CNIH3: variants seen among roughly 807,000 people sequenced by gnomAD.
The protein encoded by CNIH3 is protein cornichon homolog 3.
In CNIH3, 14 loss-of-function variants were observed where a neutral mutation model predicts 24.1. That is an observed-to-expected ratio of 0.58 (90% CI 0.38 to 0.91). The LOEUF (loss-of-function observed/expected upper bound fraction) is 0.91, where lower values mean the gene tolerates loss of function less well. CNIH3 is among the 40% of genes least tolerant of loss of function. CNIH3 has a pLI of 0.00. For missense variants in CNIH3, 178 were observed against 196.8 expected, an observed-to-expected ratio of 0.90 and a Z score of 0.57; for synonymous variants, 68 against 73.8, an observed-to-expected ratio of 0.92 and a Z score of 0.40.
intron 1 of CNIH3, among the ~76,000 whole-genome samples, chr1:224,466,097 A>G (rs1676143404): frequency 6.6e-6 from 1 of 152,214 alleles, no homozygotes; most frequent in African/African-American, 2.4e-5. Context: ...GGGTTTAGTC[A>G]GATTTTACCA....
intron 2 of CNIH3, among the ~76,000 whole-genome samples, chr1:224,526,724 C>T (rs2124924073): frequency 6.6e-6 from 1 of 152,248 alleles, no homozygotes; most frequent in African/African-American, 2.4e-5. Flanking sequence ...CAAAGAAACA[C>T]CTGAGACTGG....
intron 1 of CNIH3, among the ~76,000 whole-genome samples, chr1:224,466,374 T>TA (rs565781593): frequency 5.5e-4 from 84 of 152,350 alleles, no homozygotes; most frequent in African/African-American, 1.9e-3. Context: ...TGTAGCTTTT[T>TA]AAAAAAATCA....
chr1:224,693,541 C>T (rs1439117053), intron 3 of CNIH3, among the ~76,000 whole-genome samples: 7 of 151,102 alleles, frequency 4.6e-5, no homozygotes, highest in Non-Finnish European at 1.5e-5. Context: ...AGGCCATTAG[C>T]TCATCTCAGT....
At chr1:224,510,554 G>A (rs559711412) in intron 1 of CNIH3, among the ~76,000 whole-genome samples, 1 of 146,094 alleles carries the variant, frequency 6.8e-6, no homozygotes, top group Admixed American at 6.9e-5. Context: ...CCATGATCAT[G>A]CCACTGCACT....
At chr1:224,635,899 TG>T (rs903041354) in intron 1 of CNIH3, among the ~76,000 whole-genome samples, 2 of 151,920 alleles carry the variant, frequency 1.3e-5, no homozygotes, top group African/African-American at 4.8e-5. Flanking sequence ...TTTCTAGAAA[TG>T]GGGGGGTCTC....
Position 224,739,501 on chromosome 1 carries a change from G to A in CNIH3, c.*145G>A, listed in dbSNP as rs111736471. ...AGGCAGTCAGACTGAATGGGAGCTGGAATCACGCAGCAGCTGGGAGCCGAG... is the reference window on the plus strand; with the variant it reads ...AGGCAGTCAGACTGAATGGGAGCTGAAATCACGCAGCAGCTGGGAGCCGAG... On this transcript the variant is annotated 3_prime_UTR_variant, in exon 6 of 6. Coordinates refer to ENST00000272133, the MANE Select transcript of CNIH3 (RefSeq NM_152495.2). The A allele has an allele frequency of 7.6e-4, 1,114 of 1,460,218 alleles. 8 individuals are homozygous for A. The African/African-American group carries it at 0.014, about 19-fold the overall frequency. 90.5% of individuals were successfully genotyped at this position (1,460,218 alleles called of 1,614,324 possible).
At chr1:224,498,805 C>T (rs1349227058) in intron 1 of CNIH3, among the ~76,000 whole-genome samples, 1 of 152,218 alleles carries the variant, frequency 6.6e-6, no homozygotes, top group Non-Finnish European at 1.5e-5. Context: ...GCGTCATCAG[C>T]CCAGTGCTGC....
At chr1:224,479,680 AG>A (rs1231012103) in intron 1 of CNIH3, among the ~76,000 whole-genome samples, 2 of 152,252 alleles carry the variant, frequency 1.3e-5, no homozygotes, top group African/African-American at 2.4e-5. Flanking sequence ...GAAATCCAGC[AG>A]GGCAGTCAAA....
chr1:224,716,024 T>TC (rs1688411142), intron 3 of CNIH3, among the ~76,000 whole-genome samples: 1 of 152,202 alleles, frequency 6.6e-6, no homozygotes, highest in African/African-American at 2.4e-5. Flanking sequence ...ACACTAATGT[T>TC]CAAGATTTCT....
chr1:224,574,366 T>C, intron 4 of CNIH3: 1 of 410,248 alleles, frequency 2.4e-6, no homozygotes. Flanking sequence ...TATTTTAATA[T>C]TATTAAGTTG....
chr1:224,708,780 C>T (rs75671184), intron 3 of CNIH3, among the ~76,000 whole-genome samples: 224 of 152,262 alleles, frequency 1.5e-3, no homozygotes, highest in Non-Finnish European at 2.1e-3. Context: ...TTTCTCACAC[C>T]CCAAATACAG....
At chr1:224,690,909 G>A (rs777305048) in intron 3 of CNIH3, among the ~76,000 whole-genome samples, 1 of 152,072 alleles carries the variant, frequency 6.6e-6, no homozygotes, top group African/African-American at 2.4e-5. Flanking sequence ...CACCTGTGTC[G>A]GTTTCTTGTT....
chr1:224,560,073 G>A (rs970038997), intron 3 of CNIH3, among the ~76,000 whole-genome samples: 4 of 152,110 alleles, frequency 2.6e-5, no homozygotes, highest in Non-Finnish European at 4.4e-5. Context: ...TAGTTTTGAT[G>A]CATTACTTTT....
intron 1 of CNIH3, among the ~76,000 whole-genome samples, chr1:224,474,824 G>A (rs1171094319): frequency 6.6e-6 from 1 of 151,118 alleles, no homozygotes; most frequent in African/African-American, 2.4e-5. Context: ...TCAGGAGATC[G>A]AGACCATCCT....
intron 3 of CNIH3, among the ~76,000 whole-genome samples, chr1:224,551,605 T>C (rs1173063424): frequency 5.3e-5 from 8 of 152,134 alleles, no homozygotes; most frequent in Non-Finnish European, 7.4e-5. Flanking sequence ...TTCATTAATA[T>C]CACAGTGTGT....
chr1:224,586,579 G>C (rs929921204), intron 5 of CNIH3, among the ~76,000 whole-genome samples: 13 of 152,210 alleles, frequency 8.5e-5, no homozygotes, highest in Non-Finnish European at 1.6e-4. Context: ...TCGAGCCTTA[G>C]AGAAAGTCTG....
At chr1:224,476,002 C>A (rs1167711765) in intron 1 of CNIH3, among the ~76,000 whole-genome samples, 1 of 152,130 alleles carries the variant, frequency 6.6e-6, no homozygotes, top group East Asian at 1.9e-4. Flanking sequence ...ACTATATGAT[C>A]ATTTAAGTTG....
rs1453131133 is a variant in CNIH3 at position 224,470,079 on chromosome 1, C to T, written n.203+35217C>T. Reference sequence around the variant, plus strand: ...TGTTGCCCAGGCTGGAGTTCAGTGGCGCGATCTCGGCTCACTGCAAGCTCT... The same window carrying T: ...TGTTGCCCAGGCTGGAGTTCAGTGGTGCGATCTCGGCTCACTGCAAGCTCT... On this transcript the variant is annotated intron_variant and non_coding_transcript_variant, in intron 1 of 5. Coordinates refer to the CNIH3 transcript ENST00000471578. Among the ~76,000 whole-genome samples, 6 of 150,710 alleles carry T rather than the reference C, an allele frequency of 4.0e-5. No individual in the cohort carries two copies. The East Asian group carries it at 5.8e-4, about 15-fold the overall frequency.
chr1:224,470,926 A>C (rs1008658260), intron 1 of CNIH3, among the ~76,000 whole-genome samples: 4 of 152,242 alleles, frequency 2.6e-5, no homozygotes, highest in African/African-American at 9.6e-5. Flanking sequence ...CCATAACCTC[A>C]AGAATTTATC....
Sources: allele counts gnomAD v4.1 joint callset (sites outside exome capture counted in the v4.1 genomes callset), GRCh38; gene constraint gnomAD v4.1.1; transcripts MANE v1.5; gene names NCBI Gene and HGNC (gene_info 2026-07-23, HGNC 2026-07-21).